The following LPIN2 variants were observed in gnomAD, a reference collection of about 807,000 sequenced individuals.
LPIN2 encodes lipin 2.
Under a neutral mutation model 111.4 loss-of-function variants are expected in LPIN2, and 55 were observed. The observed-to-expected ratio is 0.49, with a 90% confidence interval of 0.40 to 0.62. The LOEUF (loss-of-function observed/expected upper bound fraction) is 0.62. Among genes scored for constraint, LPIN2 ranks in the 20% least tolerant of loss-of-function variants. The pLI is 0.00. For missense variants in LPIN2, 992 were observed against 1,112.1 expected (o/e 0.89, Z 1.54); for synonymous variants, 425 against 414.0 (o/e 1.03, Z -0.32).
chr18:2,953,045 T>C (rs1598561836), intron 3 of LPIN2, among the ~76,000 whole-genome samples: 1 of 152,370 alleles, frequency 6.6e-6, no homozygotes, highest in African/African-American at 2.4e-5. Flanking sequence ...GTTGTATTCA[T>C]AGCATGTGGC....
chr18:2,925,452 G>C lies in LPIN2; in HGVS notation c.1794-84C>G, dbSNP rs2077117331. 1 of 1,569,288 alleles carries C rather than the reference G, an allele frequency of 6.4e-7. No individual in the cohort carries two copies. Among genetic ancestry groups the C allele is most frequent in the Non-Finnish European group, 8.7e-7 (1 of 1,143,042 alleles). On this transcript the variant is annotated intron_variant, in intron 13 of 19. Coordinates refer to ENST00000677752, the MANE Select transcript of LPIN2 (RefSeq NM_001375808.2). The surrounding 1 kb of genome is among the most constrained non-coding windows in gnomAD (Gnocchi z 4.1). ...TTTCATTTAGGATCAAGAAAATAAA[G>C]ATATCCTAAATCTTTTCTAGGAATG...
At chr18:2,941,053 G>T (rs2077361052) in intron 4 of LPIN2, among the ~76,000 whole-genome samples, 1 of 152,156 alleles carries the variant, frequency 6.6e-6, no homozygotes, top group South Asian at 2.1e-4. Context: ...TTTCATTGTA[G>T]ATTTTAAGTA....
At chr18:2,936,273 G>T (rs1270637536) in intron 7 of LPIN2, among the ~76,000 whole-genome samples, 1 of 152,090 alleles carries the variant, frequency 6.6e-6, no homozygotes, top group African/African-American at 2.4e-5. Flanking sequence ...TTTTAGAGAA[G>T]GTTTCACACT....
In LPIN2 at chr18:2,919,377, G is replaced by A. The variant is rs1224383848; in HGVS notation, c.*916C>T. The A allele has an allele frequency of 6.6e-6, 1 of 152,192 alleles. No individual in the cohort carries two copies. Among genetic ancestry groups the A allele is most frequent in the Non-Finnish European group, 1.5e-5 (1 of 68,104 alleles). The allele number at this position is 152,192 out of a possible 1,614,324, so 9.4% of individuals were successfully genotyped here. On this transcript the variant is annotated 3_prime_UTR_variant, in exon 20 of 20. Transcript: ENST00000677752. ...GACAAATCTGAATCACAGAATTTTAGAAATCCTGTCCCAAGGCAAGATGCT... is the reference window on the plus strand; with the variant it reads ...GACAAATCTGAATCACAGAATTTTAAAAATCCTGTCCCAAGGCAAGATGCT...
At chr18:2,989,359 T>C (rs113144297) in intron 1 of LPIN2, among the ~76,000 whole-genome samples, 18 of 152,080 alleles carry the variant, frequency 1.2e-4, no homozygotes, top group African/African-American at 4.3e-4. Flanking sequence ...TGAAAGCTTG[T>C]ACAAATAAAA....
intron 1 of LPIN2, among the ~76,000 whole-genome samples, chr18:3,001,796 A>C (rs2078439461): frequency 6.6e-6 from 1 of 152,208 alleles, no homozygotes; most frequent in Admixed American, 6.5e-5. Context: ...ACATATAAAA[A>C]TAAATACTTA....
chr18:2,997,887 A>T (rs1459950340), intron 1 of LPIN2, among the ~76,000 whole-genome samples: 2 of 152,220 alleles, frequency 1.3e-5, no homozygotes, highest in Non-Finnish European at 2.9e-5. Flanking sequence ...ATCGGTAAGC[A>T]TGAATTCACT....
intron 1 of LPIN2, among the ~76,000 whole-genome samples, chr18:3,008,461 A>G (rs550246690): frequency 6.6e-6 from 1 of 152,326 alleles, no homozygotes; most frequent in South Asian, 2.1e-4. Flanking sequence ...AGAAGTTTAA[A>G]TCAATATTCT....
intron 1 of LPIN2, among the ~76,000 whole-genome samples, chr18:2,963,455 C>T (rs1211357105): frequency 6.6e-6 from 1 of 151,950 alleles, no homozygotes; most frequent in Non-Finnish European, 1.5e-5. Flanking sequence ...AGAAAAGATA[C>T]ACAATGATGT....
At chr18:2,978,070 C>T (rs886893338) in intron 1 of LPIN2, among the ~76,000 whole-genome samples, 2 of 151,940 alleles carry the variant, frequency 1.3e-5, no homozygotes, top group African/African-American at 4.8e-5. Context: ...ACCTGTAGTC[C>T]CAGCTACTCA....
In LPIN2 at chr18:2,925,071, G is replaced by A. The variant is rs542061747; in HGVS notation, c.1938+153C>T. On this transcript the variant is annotated intron_variant, in intron 14 of 19. Coordinates refer to ENST00000677752, the MANE Select transcript of LPIN2 (RefSeq NM_001375808.2). This position sits in a 1 kb window ranked among gnomAD's most constrained non-coding sequence, Gnocchi z 4.1. The stretch of plus-strand genomic sequence containing the variant: ...GGTGGGCCTGATAGCTCTTGGGGGC[G>A]GCGGTCGTGGTTCCACTGTGGATAG... Among the ~76,000 whole-genome samples, 5 of 152,326 alleles carry A rather than the reference G, an allele frequency of 3.3e-5. No homozygotes were observed. Among genetic ancestry groups the A allele is most frequent in the East Asian group, 3.9e-4 (2 of 5,192 alleles).
At chr18:2,935,979 A>G (rs1048275127) in intron 7 of LPIN2, among the ~76,000 whole-genome samples, 3 of 152,232 alleles carry the variant, frequency 2.0e-5, no homozygotes, top group African/African-American at 7.2e-5. Context: ...ATTCATCCTA[A>G]AAGAACTGGA....
At chr18:2,994,802 G>A (rs1287904418) in intron 1 of LPIN2, among the ~76,000 whole-genome samples, 1 of 152,158 alleles carries the variant, frequency 6.6e-6, no homozygotes, top group African/African-American at 2.4e-5. Context: ...CCGGCGGCGG[G>A]TGGGGGCGGT....
intron 1 of LPIN2, among the ~76,000 whole-genome samples, chr18:2,976,136 C>A (rs2078011305): frequency 6.6e-6 from 1 of 152,192 alleles, no homozygotes. Flanking sequence ...TCCTCTCTCA[C>A]CCATTAAAGA....
chr18:2,977,940 C>T (rs1266225197), intron 1 of LPIN2, among the ~76,000 whole-genome samples: 1 of 151,998 alleles, frequency 6.6e-6, no homozygotes, highest in African/African-American at 2.4e-5. Flanking sequence ...CACCTGTAAT[C>T]CCAGCACTTT....
At chr18:2,977,417 T>C (rs1458006368) in intron 1 of LPIN2, among the ~76,000 whole-genome samples, 2 of 152,140 alleles carry the variant, frequency 1.3e-5, no homozygotes, top group African/African-American at 4.8e-5. Flanking sequence ...TAAGAGGACC[T>C]AGAATCAAGG....
intron 2 of LPIN2, among the ~76,000 whole-genome samples, chr18:2,959,493 T>C (rs570325445): frequency 3.3e-5 from 5 of 152,352 alleles, no homozygotes; most frequent in African/African-American, 1.2e-4. Flanking sequence ...GCTCTTTTGT[T>C]GTGCTTTAAA....
intron 2 of LPIN2, among the ~76,000 whole-genome samples, chr18:2,958,925 C>T (rs1298346666): frequency 6.7e-6 from 1 of 149,096 alleles, no homozygotes; most frequent in African/African-American, 2.5e-5. Flanking sequence ...AAAACAATCT[C>T]AGCAAAAAAA....
chr18:2,994,584 T>A (rs1301913230), intron 1 of LPIN2, among the ~76,000 whole-genome samples: 1 of 152,230 alleles, frequency 6.6e-6, no homozygotes, highest in East Asian at 1.9e-4. Flanking sequence ...GGGATATCCA[T>A]CCCCTCGAAC....
Sources: allele counts gnomAD v4.1 joint callset (sites outside exome capture counted in the v4.1 genomes callset), GRCh38; gene constraint gnomAD v4.1.1; non-coding constraint Gnocchi (gnomAD v3.1); transcripts MANE v1.5; gene names NCBI Gene and HGNC (gene_info 2026-07-23, HGNC 2026-07-21).